ZDHHC20: variants seen among roughly 807,000 people sequenced by gnomAD.
ZDHHC20 encodes the protein zDHHC palmitoyltransferase 20.
A neutral mutation model predicts 57.8 loss-of-function variants in ZDHHC20; 43 were observed. The observed-to-expected ratio is 0.74, with a 90% CI of 0.58 to 0.96. The LOEUF is 0.96. ZDHHC20 is among the 40% of genes least tolerant of loss of function. The pLI, the probability that ZDHHC20 is intolerant of heterozygous loss-of-function variation, is 0.00. For synonymous variants in ZDHHC20, 157 were observed against 153.0 expected (o/e 1.03, Z -0.19); for missense variants, 391 against 441.1 (o/e 0.89, Z 1.02).
chr13:21,422,977 C>G (rs1314963056), intron 2 of ZDHHC20, among the ~76,000 whole-genome samples: 1 of 152,154 alleles, frequency 6.6e-6, no homozygotes, highest in Non-Finnish European at 1.5e-5. Flanking sequence ...CTAACCCTCA[C>G]AGTAAGTCTT....
At chr13:21,438,504 G>A (rs1882785356) in intron 1 of ZDHHC20, among the ~76,000 whole-genome samples, 1 of 152,226 alleles carries the variant, frequency 6.6e-6, no homozygotes, top group Non-Finnish European at 1.5e-5. Context: ...AGATGTGATG[G>A]AATTGCTGCA....
At chr13:21,418,577 AG>A (rs1880277630) in intron 3 of ZDHHC20, among the ~76,000 whole-genome samples, 2 of 152,060 alleles carry the variant, frequency 1.3e-5, no homozygotes, top group African/African-American at 4.8e-5. Context: ...GGATCAACTA[AG>A]GAAAGTCTCC....
At chr13:21,451,327 C>G (rs1258533396) in intron 1 of ZDHHC20, among the ~76,000 whole-genome samples, 1 of 152,036 alleles carries the variant, frequency 6.6e-6, no homozygotes, top group African/African-American at 2.4e-5. Flanking sequence ...AAACACGATT[C>G]AAGTGAGTTT....
At chr13:21,424,026 T>C (rs1426364255) in intron 2 of ZDHHC20, among the ~76,000 whole-genome samples, 1 of 152,066 alleles carries the variant, frequency 6.6e-6, no homozygotes, top group African/African-American at 2.4e-5. Flanking sequence ...CCTTTCTTCA[T>C]GAAAACAAAA....
intron 7 of ZDHHC20, among the ~76,000 whole-genome samples, chr13:21,400,109 AAT>A (rs140457226): frequency 0.062 from 9,461 of 152,012 alleles, 905 homozygotes; most frequent in African/African-American, 0.21. Context: ...CCCTAAAATG[AAT>A]ATGTCTTTGT....
chr13:21,395,496 C>CTTTTTTTTTTTTTTT (rs201405874), intron 7 of ZDHHC20, among the ~76,000 whole-genome samples: 2 of 120,510 alleles, frequency 1.7e-5, no homozygotes, highest in Non-Finnish European at 1.7e-5. Flanking sequence ...CTTTTCTTTT[C>CTTTTTTTTTTTTTTT]TTTTTTTTTT....
chr13:21,386,945 G>GA (rs1236910087), intron 9 of ZDHHC20, among the ~76,000 whole-genome samples: 2 of 152,136 alleles, frequency 1.3e-5, no homozygotes, highest in African/African-American at 4.8e-5. Context: ...TTAATCTAGG[G>GA]AAAAAACCCA....
chr13:21,430,014 C>CT (rs1261173858), intron 1 of ZDHHC20, among the ~76,000 whole-genome samples: 3 of 152,200 alleles, frequency 2.0e-5, no homozygotes, highest in African/African-American at 7.2e-5. Flanking sequence ...AATTGAATCA[C>CT]TTTAAAGATA....
chr13:21,392,466 A>T (rs181525412), intron 7 of ZDHHC20, among the ~76,000 whole-genome samples: 2 of 152,352 alleles, frequency 1.3e-5, no homozygotes. Flanking sequence ...CCATGCCTTC[A>T]GCTGCTTCAA....
chr13:21,428,642 C>T (rs542516139), intron 1 of ZDHHC20, among the ~76,000 whole-genome samples: 22 of 151,634 alleles, frequency 1.5e-4, no homozygotes, highest in South Asian at 8.3e-4. Flanking sequence ...AGGTGGATCA[C>T]GAGGTCAGGA....
rs751511000 is a variant in ZDHHC20, at chr13:21,400,415, G to A, written c.552C>T (p.Phe184=). 18 of 1,602,252 alleles carry A rather than the reference G, an allele frequency of 1.1e-5. No homozygotes were observed. Among genetic ancestry groups the A allele is most frequent in the Middle Eastern group, 1.7e-4 (1 of 6,046 alleles). The change falls in exon 7 of 13, where the codon TTC becomes TTT. Residue 184 remains phenylalanine (F), a synonymous_variant. Coordinates refer to ENST00000400590, the MANE Select transcript of ZDHHC20 (RefSeq NM_001330059.2). ...AGTACTCTAAAACTGTTGCAGCCAC[G>A]AAAAGGCAATATAATAGGGAATACA... ...FLLYSLLYCL[F]VAATVLEYFI... is the part of the protein sequence containing the mutation.
chr13:21,404,139 T>C (rs541982580), intron 4 of ZDHHC20, among the ~76,000 whole-genome samples: 1 of 152,346 alleles, frequency 6.6e-6, no homozygotes, highest in South Asian at 2.1e-4. Flanking sequence ...GTTAACCATC[T>C]ACTGGTATAT....
At position 21,374,494 on chromosome 13, in the gene ZDHHC20, C is replaced by T. The variant is rs1354327918; in HGVS notation, c.*2202G>A. The stretch of plus-strand genomic sequence containing the variant: ...AGGTGATCCGCCAGCCTTGGCCTCC[C>T]AAAGTGCTGGGATTACAGGCATGAG... On this transcript the variant is annotated 3_prime_UTR_variant, in exon 13 of 13. Coordinates refer to ENST00000400590, the MANE Select transcript of ZDHHC20 (RefSeq NM_001330059.2). 1 of 452,596 alleles carries T rather than the reference C, an allele frequency of 2.2e-6. No homozygotes were observed. The highest frequency in any genetic ancestry group is 4.4e-6 in the Non-Finnish European group (1 of 225,212). 28.0% of individuals were successfully genotyped at this position (452,596 alleles called of 1,614,324 possible). A position where few individuals can be genotyped will look rare whatever the true frequency, so the allele number is the denominator to read the frequency against.
intron 7 of ZDHHC20, among the ~76,000 whole-genome samples, chr13:21,398,030 C>A (rs1385829111): frequency 6.6e-6 from 1 of 152,162 alleles, no homozygotes; most frequent in South Asian, 2.1e-4. Context: ...TTAATCATTA[C>A]ATCAATCCTA....
intron 3 of ZDHHC20, 109 bp downstream of exon 3, chr13:21,420,941 CAGTTTTATGAA>C: frequency 1.4e-6 from 1 of 727,138 alleles, no homozygotes; most frequent in Non-Finnish European, 2.3e-6. Flanking sequence ...AGCAACCAAG[CAGTTTTATGAA>C]TGGAAACAGA....
chr13:21,447,543 C>T (rs1209486495), intron 1 of ZDHHC20, among the ~76,000 whole-genome samples: 49 of 146,462 alleles, frequency 3.3e-4, no homozygotes, highest in African/African-American at 1.1e-3. Flanking sequence ...CTTGGCCTCC[C>T]GAGGTGCCGG....
At chr13:21,401,807 C>T in intron 5 of ZDHHC20, 122 bp from the exon 6 acceptor site, 1 of 813,790 alleles carries the variant, frequency 1.2e-6, no homozygotes. Flanking sequence ...AGAATCAACC[C>T]AGAAACTAGG....
At chr13:21,408,458 T>C (rs984971309) in intron 4 of ZDHHC20, among the ~76,000 whole-genome samples, 9 of 152,148 alleles carry the variant, frequency 5.9e-5, no homozygotes, top group South Asian at 2.1e-4. Context: ...TTTTTGCGCA[T>C]TGGTTTTGTA....
At chr13:21,432,144 C>T in intron 1 of ZDHHC20, among the ~76,000 whole-genome samples, 1 of 151,982 alleles carries the variant, frequency 6.6e-6, no homozygotes, top group East Asian at 1.9e-4. Flanking sequence ...GAGACAGAGT[C>T]TTGCTCTCAT....
Sources: allele counts gnomAD v4.1 joint callset (sites outside exome capture counted in the v4.1 genomes callset), GRCh38; gene constraint gnomAD v4.1.1; transcripts MANE v1.5; gene names NCBI Gene and HGNC (gene_info 2026-07-23, HGNC 2026-07-21).